Variants in SCFD2 observed in about 807,000 individuals in gnomAD.
The protein encoded by SCFD2 is sec1 family domain containing 2.
Under a neutral mutation model 58.9 loss-of-function variants are expected in SCFD2, and 54 were observed. The ratio of observed to expected loss-of-function variants is 0.92; its 90% confidence interval spans 0.74 to 1.15. The LOEUF (loss-of-function observed/expected upper bound fraction) is 1.15, where lower values mean the gene tolerates loss of function less well. Ranked by LOEUF, SCFD2 falls within the 50% of genes most tolerant of loss-of-function variation. SCFD2 has a pLI of 0.00. For missense variants in SCFD2, 805 were observed against 836.6 expected (o/e 0.96, Z 0.47); for synonymous variants, 321 against 335.9 (o/e 0.96, Z 0.49).
At chr4:53,122,270 A>G (rs973040864) in intron 5 of SCFD2, among the ~76,000 whole-genome samples, 2 of 152,094 alleles carry the variant, frequency 1.3e-5, no homozygotes, top group African/African-American at 4.8e-5. Flanking sequence ...CCAGTTACTC[A>G]GGAGGCTGAG....
chr4:53,165,990 C>A (rs1726994842), intron 4 of SCFD2, among the ~76,000 whole-genome samples: 1 of 152,168 alleles, frequency 6.6e-6, no homozygotes. Context: ...ATAAATTTGA[C>A]TATTCTAGGT....
chr4:53,003,325 A>G (rs1316921776), intron 5 of SCFD2, among the ~76,000 whole-genome samples: 1 of 152,202 alleles, frequency 6.6e-6, no homozygotes, highest in Non-Finnish European at 1.5e-5. Context: ...GCTGTTCAAT[A>G]CAGTAATCAG....
chr4:52,917,811 T>C (rs1393348312), intron 6 of SCFD2, among the ~76,000 whole-genome samples: 1 of 152,242 alleles, frequency 6.6e-6, no homozygotes, highest in African/African-American at 2.4e-5. Context: ...AGTGACTAGA[T>C]GGTGTCTACT....
chr4:53,216,958 G>A (rs1014222956), intron 4 of SCFD2, among the ~76,000 whole-genome samples: 2 of 152,192 alleles, frequency 1.3e-5, no homozygotes, highest in South Asian at 2.1e-4. Flanking sequence ...GAGCGGTTTT[G>A]AGTGAGTTTC....
At chr4:53,363,530 T>G (rs1734606598) in intron 1 of SCFD2, among the ~76,000 whole-genome samples, 1 of 152,070 alleles carries the variant, frequency 6.6e-6, no homozygotes, top group African/African-American at 2.4e-5. Flanking sequence ...TATGCTCACC[T>G]TATTTATTCT....
intron 1 of SCFD2, among the ~76,000 whole-genome samples, chr4:53,353,806 C>G (rs1445991067): frequency 7.6e-6 from 1 of 131,762 alleles, no homozygotes; most frequent in Non-Finnish European, 1.5e-5. Flanking sequence ...AATCCTTCAG[C>G]TAGACACAAC....
chr4:53,167,668 A>G (rs1024048504), intron 4 of SCFD2, among the ~76,000 whole-genome samples: 14 of 152,216 alleles, frequency 9.2e-5, no homozygotes, highest in African/African-American at 3.1e-4. Flanking sequence ...TTTAAAAATG[A>G]TCTAAAAATA....
chr4:53,134,162 C>T (rs1725870974), intron 5 of SCFD2, among the ~76,000 whole-genome samples: 1 of 152,002 alleles, frequency 6.6e-6, no homozygotes, highest in Admixed American at 6.6e-5. Context: ...ATGATGGTTA[C>T]CCAGGGCTGG....
chr4:53,251,437 G>C (rs1272877600), intron 4 of SCFD2, among the ~76,000 whole-genome samples: 1 of 152,108 alleles, frequency 6.6e-6, no homozygotes, highest in Non-Finnish European at 1.5e-5. Flanking sequence ...CAAAAAAAGA[G>C]AATTTTAGAC....
In SCFD2 at chr4:53,241,288, T is replaced by C. The variant is rs1560405479; in HGVS notation, c.1311+32538A>G. On this transcript the variant is annotated intron_variant, in intron 4 of 8. Coordinates refer to ENST00000401642, the MANE Select transcript of SCFD2 (RefSeq NM_152540.4). The stretch of plus-strand genomic sequence containing the variant: ...GTGCGGTGGCAACTATAGTGGAGCA[T>C]GGACAGAGATACCCATCCCCTAGGC... Among the ~76,000 whole-genome samples the C allele has an allele frequency of 2.6e-5, 4 of 152,092 alleles. No homozygotes were observed. The South Asian group carries it at 8.3e-4, about 32-fold the overall frequency.
At chr4:53,206,233 G>T (rs1187367046) in intron 4 of SCFD2, among the ~76,000 whole-genome samples, 2 of 152,120 alleles carry the variant, frequency 1.3e-5, no homozygotes, top group Non-Finnish European at 2.9e-5. Flanking sequence ...TCTTATTTGG[G>T]TCACACACAG....
chr4:52,874,592 G>C (rs914141298), intron 8 of SCFD2, among the ~76,000 whole-genome samples: 1 of 152,184 alleles, frequency 6.6e-6, no homozygotes, highest in Non-Finnish European at 1.5e-5. Flanking sequence ...CTGTCTCATA[G>C]TTCTGGAGCC....
chr4:53,127,103 T>C (rs959628794), intron 5 of SCFD2, among the ~76,000 whole-genome samples: 8 of 152,210 alleles, frequency 5.3e-5, no homozygotes, highest in African/African-American at 1.9e-4. Flanking sequence ...CATGTAAAAA[T>C]ATTAAAACAC....
At position 52,873,707 on chromosome 4, in the gene SCFD2, T is replaced by C. The variant is rs145032963; in HGVS notation, c.*262A>G. The C allele has an allele frequency of 1.0e-4, 29 of 287,378 alleles. No homozygotes were observed. The East Asian group carries it at 1.9e-3, about 19-fold the overall frequency. The allele number at this position is 287,378 out of a possible 1,614,324, so 17.8% of individuals were successfully genotyped here. Reference sequence around the variant, plus strand: ...TCACAAACAGAGGGTTAAGGATAAATGGAAACGATCACTAATTGGACTCGC... The same window carrying C: ...TCACAAACAGAGGGTTAAGGATAAACGGAAACGATCACTAATTGGACTCGC... On this transcript the variant is annotated 3_prime_UTR_variant, in exon 9 of 9. Coordinates refer to ENST00000401642, the MANE Select transcript of SCFD2 (RefSeq NM_152540.4).
chr4:52,996,406 G>A (rs1276172726), intron 5 of SCFD2, among the ~76,000 whole-genome samples: 2 of 152,224 alleles, frequency 1.3e-5, no homozygotes, highest in African/African-American at 4.8e-5. Context: ...GGGCACATTG[G>A]AAACACATTG....
At chr4:53,329,397 T>G (rs1377336963) in intron 2 of SCFD2, among the ~76,000 whole-genome samples, 1 of 152,028 alleles carries the variant, frequency 6.6e-6, no homozygotes, top group Non-Finnish European at 1.5e-5. Context: ...GCTGGAGATC[T>G]CAGAACGGGC....
intron 2 of SCFD2, among the ~76,000 whole-genome samples, chr4:53,346,802 A>C (rs1253506756): frequency 6.6e-6 from 1 of 152,206 alleles, no homozygotes; most frequent in Non-Finnish European, 1.5e-5. Flanking sequence ...TAAGGGAGAG[A>C]AGCTTTGTAG....
intron 5 of SCFD2, among the ~76,000 whole-genome samples, chr4:52,932,964 C>G (rs890278194): frequency 7.2e-5 from 11 of 152,124 alleles, no homozygotes; most frequent in Non-Finnish European, 1.2e-4. Flanking sequence ...GGGACACAGT[C>G]CAGAGAGGGT....
At chr4:53,354,911 GA>G (rs1188570306) in intron 1 of SCFD2, among the ~76,000 whole-genome samples, 3 of 151,668 alleles carry the variant, frequency 2.0e-5, no homozygotes, top group Non-Finnish European at 2.9e-5. Flanking sequence ...TAGTTTCCCA[GA>G]TAGTTGAAAC....
Sources: allele counts gnomAD v4.1 joint callset (sites outside exome capture counted in the v4.1 genomes callset), GRCh38; gene constraint gnomAD v4.1.1; transcripts MANE v1.5; gene names NCBI Gene and HGNC (gene_info 2026-07-23, HGNC 2026-07-21).